The following STAC variants were observed in gnomAD, a reference collection of about 807,000 sequenced individuals.
STAC encodes SH3 and cysteine rich domain, also known as SH3 and cysteine-rich domain-containing protein.
STAC carries 43 observed loss-of-function variants against 48.8 expected under a neutral mutation model. The ratio of observed to expected loss-of-function variants is 0.88; its 90% CI spans 0.69 to 1.14. The LOEUF (loss-of-function observed/expected upper bound fraction) is 1.14. Ranked by LOEUF, STAC falls within the 50% of genes most tolerant of loss-of-function variation. The pLI is 0.00. For missense variants in STAC, 497 were observed against 504.0 expected, an observed-to-expected ratio of 0.99 and a Z score of 0.13; for synonymous variants, 193 against 179.5, an observed-to-expected ratio of 1.07 and a Z score of -0.60.
chr3:36,517,874 CAT>C (rs1052137952), intron 8 of STAC, among the ~76,000 whole-genome samples: 10 of 152,046 alleles, frequency 6.6e-5, no homozygotes, highest in Non-Finnish European at 1.0e-4. Flanking sequence ...CACACACACA[CAT>C]ACATGCACAT....
intron 1 of STAC, among the ~76,000 whole-genome samples, chr3:36,435,079 C>G (rs12492356): frequency 0.016 from 2,404 of 152,222 alleles, 187 homozygotes; most frequent in Admixed American, 0.13. Context: ...GGCAAGTTGC[C>G]ATTTTTCTGT....
intron 1 of STAC, among the ~76,000 whole-genome samples, chr3:36,402,737 G>A (rs112946511): frequency 1.3e-5 from 2 of 152,274 alleles, no homozygotes; most frequent in African/African-American, 4.8e-5. Context: ...TCAAATTCCA[G>A]AGTAAAAGCC....
At position 36,504,377 on chromosome 3, in the gene STAC, C is replaced by T; in HGVS notation, c.767-16C>T. On this transcript the variant is annotated splice_polypyrimidine_tract_variant and intron_variant, in intron 6 of 10. Transcript: ENST00000273183. Reference sequence around the variant, plus strand: ...ACTAGATTCATAGAGCACCTGCTTTCTCTTGTCTCCTTCAGTGTTTACATA... The same window carrying T: ...ACTAGATTCATAGAGCACCTGCTTTTTCTTGTCTCCTTCAGTGTTTACATA... 6.2e-7 allele frequency: 1 copy of T among 1,611,694 alleles called. No individual in the cohort carries two copies. Among genetic ancestry groups the T allele is most frequent in the Middle Eastern group, 1.7e-4 (1 of 6,044 alleles).
intron 1 of STAC, among the ~76,000 whole-genome samples, chr3:36,422,587 G>T (rs73830333): frequency 1.3e-5 from 2 of 151,918 alleles, no homozygotes; most frequent in Non-Finnish European, 2.9e-5. Context: ...AAACATTTAC[G>T]TATATAAAAA....
chr3:36,449,115 T>G, intron 2 of STAC, among the ~76,000 whole-genome samples: 1 of 151,956 alleles, frequency 6.6e-6, no homozygotes, highest in East Asian at 1.9e-4. Flanking sequence ...TGAGACTTCA[T>G]CTCTTAAAAA....
At position 36,547,691 on chromosome 3, in the gene STAC, C is replaced by T. The variant is rs1699479375; in HGVS notation, c.*1402C>T. Reference sequence around the variant, plus strand: ...TGCATGTAAGCATTATTTCCCAAACCAAAGCATCATTCATCTCCATTTATT... The same window carrying T: ...TGCATGTAAGCATTATTTCCCAAACTAAAGCATCATTCATCTCCATTTATT... On this transcript the variant is annotated 3_prime_UTR_variant, in exon 11 of 11. Transcript: ENST00000273183. 1 of 152,496 alleles carries T rather than the reference C, an allele frequency of 6.6e-6. No homozygotes were observed. The highest frequency in any genetic ancestry group is 1.5e-5 in the Non-Finnish European group (1 of 68,038). 9.4% of individuals were successfully genotyped at this position (152,496 alleles called of 1,614,324 possible). A position where few individuals can be genotyped will look rare whatever the true frequency, so the allele number is the denominator to read the frequency against.
chr3:36,449,408 C>T (rs1696619953), intron 2 of STAC, among the ~76,000 whole-genome samples: 1 of 152,130 alleles, frequency 6.6e-6, no homozygotes, highest in Non-Finnish European at 1.5e-5. Flanking sequence ...ATACATAATT[C>T]AGAGAGAATT....
chr3:36,405,015 A>G (rs1260747877), intron 1 of STAC, among the ~76,000 whole-genome samples: 1 of 152,218 alleles, frequency 6.6e-6, no homozygotes, highest in African/African-American at 2.4e-5. Flanking sequence ...CTAATATATT[A>G]TCTGAAAAAT....
At position 36,434,492 on chromosome 3, in the gene STAC, A is replaced by G. The variant is rs1400505023; in HGVS notation, c.112-8872A>G. ...TTCCCTGATGACTTCATTTCAACTC[A>G]GAAGTAAAAGCCAGTGCATTATTGG... On this transcript the variant is annotated intron_variant, in intron 1 of 10. Transcript: ENST00000273183. Among the ~76,000 whole-genome samples, 3 of 152,242 alleles carry G rather than the reference A, an allele frequency of 2.0e-5. 1 individual carries two copies. The highest frequency in any genetic ancestry group is 4.4e-5 in the Non-Finnish European group (3 of 68,038).
At chr3:36,440,508 T>C (rs368905932) in intron 1 of STAC, among the ~76,000 whole-genome samples, 21 of 152,276 alleles carry the variant, frequency 1.4e-4, no homozygotes, top group East Asian at 3.9e-4. Flanking sequence ...TCAGGCTACA[T>C]TGGGCAGTTT....
chr3:36,501,011 G>A (rs1698269895), intron 6 of STAC, among the ~76,000 whole-genome samples: 1 of 152,148 alleles, frequency 6.6e-6, no homozygotes, highest in Non-Finnish European at 1.5e-5. Context: ...AGGATCACTT[G>A]AGCCTGGAAG....
intron 1 of STAC, among the ~76,000 whole-genome samples, chr3:36,425,186 A>G (rs965108976): frequency 6.6e-6 from 1 of 152,186 alleles, no homozygotes; most frequent in Admixed American, 6.5e-5. Flanking sequence ...AACCCAGAAA[A>G]TACTACTTTG....
intron 8 of STAC, among the ~76,000 whole-genome samples, chr3:36,522,547 T>A (rs1698831929): frequency 6.6e-6 from 1 of 152,240 alleles, no homozygotes; most frequent in Admixed American, 6.5e-5. Context: ...CCTGATGTTT[T>A]ATAAACATTC....
intron 5 of STAC, 58 bp from the exon 6 acceptor site, chr3:36,493,093 C>T: frequency 2.0e-6 from 3 of 1,526,006 alleles, no homozygotes; most frequent in South Asian, 1.1e-5. Flanking sequence ...AAAGTATCTG[C>T]TCAATTGACC....
intron 1 of STAC, among the ~76,000 whole-genome samples, chr3:36,429,802 C>T (rs1700652444): frequency 6.6e-6 from 1 of 152,168 alleles, no homozygotes; most frequent in African/African-American, 2.4e-5. Flanking sequence ...TTGATACCTT[C>T]ACGTACCCAC....
At chr3:36,398,278 C>G (rs759929904) in intron 1 of STAC, among the ~76,000 whole-genome samples, 14 of 134,146 alleles carry the variant, frequency 1.0e-4, no homozygotes, top group Admixed American at 8.3e-5. Context: ...TTACTGCCAT[C>G]TATGAAGGTA....
At chr3:36,532,313 C>T (rs920875222) in intron 10 of STAC, among the ~76,000 whole-genome samples, 6 of 152,130 alleles carry the variant, frequency 3.9e-5, no homozygotes, top group African/African-American at 1.4e-4. Context: ...GACATACTTC[C>T]CTTTTATAAA....
intron 10 of STAC, among the ~76,000 whole-genome samples, chr3:36,533,563 A>T (rs746508164): frequency 2.7e-5 from 4 of 146,586 alleles, no homozygotes; most frequent in Non-Finnish European, 4.5e-5. Flanking sequence ...ATTAAAATCC[A>T]ATCAGTGAAA....
At chr3:36,537,041 G>T (rs1699214211) in intron 10 of STAC, among the ~76,000 whole-genome samples, 1 of 152,058 alleles carries the variant, frequency 6.6e-6, no homozygotes, top group Non-Finnish European at 1.5e-5. Flanking sequence ...AAAGAGTCAA[G>T]AAACAGCAGA....
Sources: allele counts gnomAD v4.1 joint callset (sites outside exome capture counted in the v4.1 genomes callset), GRCh38; gene constraint gnomAD v4.1.1; transcripts MANE v1.5; gene names NCBI Gene and HGNC (gene_info 2026-07-23, HGNC 2026-07-21).